HSPA12A: variants seen among roughly 807,000 people sequenced by gnomAD.
The protein encoded by HSPA12A is heat shock protein family A (Hsp70) member 12A.
HSPA12A carries 28 observed loss-of-function variants against 69.2 expected under a neutral mutation model. The observed-to-expected ratio is 0.40, with a 90% CI of 0.30 to 0.55. The LOEUF (loss-of-function observed/expected upper bound fraction) is 0.55. HSPA12A is among the 20% of genes least tolerant of loss of function. The probability of loss-of-function intolerance (pLI) is 0.38; values close to 1 mark genes in which losing one functional copy is unlikely to be tolerated. For synonymous variants in HSPA12A, 345 were observed against 370.5 expected (o/e 0.93, Z 0.79); for missense variants, 686 against 900.7 (o/e 0.76, Z 3.05).
chr10:116,734,940 C>A (rs568252473), intron 1 of HSPA12A, among the ~76,000 whole-genome samples: 42 of 151,922 alleles, frequency 2.8e-4, no homozygotes, highest in African/African-American at 9.7e-4. Flanking sequence ...TGCAGTGAGC[C>A]GAGATCGAGC....
intron 5 of HSPA12A, 160 bp downstream of exon 5, chr10:116,698,475 C>T (rs569081588): frequency 9.4e-5 from 47 of 500,568 alleles, no homozygotes; most frequent in African/African-American, 3.2e-4. Context: ...CCACCAGCAG[C>T]GTGTGAGGGT....
chr10:116,677,983 T>G (rs2133358391), intron 10 of HSPA12A, among the ~76,000 whole-genome samples: 1 of 92,514 alleles, frequency 1.1e-5, no homozygotes, highest in Middle Eastern at 5.3e-3. Flanking sequence ...GGAAATTGAT[T>G]CTTTTTTTTT....
At chr10:116,847,949 G>A (rs1236771215) in intron 1 of HSPA12A, among the ~76,000 whole-genome samples, 1 of 152,168 alleles carries the variant, frequency 6.6e-6, no homozygotes, top group East Asian at 1.9e-4. Context: ...GCTGGAGTGA[G>A]AGCTGGATTG....
rs782531675 is a variant in HSPA12A at position 116,683,786 on chromosome 10, G to C, written c.835+5C>G. 3 of 1,543,812 alleles carry C rather than the reference G, an allele frequency of 1.9e-6. No individual in the cohort carries two copies. The Admixed American group carries it at 5.1e-5, about 26-fold the overall frequency. ...GCAGGAGGGGGAGAGAGAGAGCAGAGGTACCCTGTGTAAACCCAGCTCCTA... is the reference window on the plus strand; with the variant it reads ...GCAGGAGGGGGAGAGAGAGAGCAGACGTACCCTGTGTAAACCCAGCTCCTA... On this transcript the variant is annotated splice_donor_5th_base_variant and intron_variant, in intron 7 of 11. Transcript: ENST00000369209.
At chr10:116,844,158 T>C (rs745500960) in intron 1 of HSPA12A, among the ~76,000 whole-genome samples, 3 of 152,222 alleles carry the variant, frequency 2.0e-5, no homozygotes, top group Non-Finnish European at 4.4e-5. Context: ...CACCTAGACC[T>C]GGATCAAATT....
upstream of HSPA12A, among the ~76,000 whole-genome samples, chr10:116,746,634 T>G (rs1554887839): frequency 6.6e-6 from 1 of 152,224 alleles, no homozygotes; most frequent in Non-Finnish European, 1.5e-5. Flanking sequence ...AGAGATCATA[T>G]ATGTAAAACA....
intron 4 of HSPA12A, among the ~76,000 whole-genome samples, chr10:116,699,522 T>C (rs184730091): frequency 1.3e-5 from 2 of 152,278 alleles, no homozygotes; most frequent in Middle Eastern, 3.4e-3. Flanking sequence ...GCCTCCAGAT[T>C]GTCCCAGGCT....
intron 2 of HSPA12A, among the ~76,000 whole-genome samples, chr10:116,758,653 T>C (rs1554889016): frequency 6.6e-6 from 1 of 152,150 alleles, no homozygotes; most frequent in Non-Finnish European, 1.5e-5. Context: ...TGTGATTGTG[T>C]GTGCATTTTA....
intron 6 of HSPA12A, among the ~76,000 whole-genome samples, chr10:116,689,901 A>G (rs1445318433): frequency 6.6e-6 from 1 of 151,938 alleles, no homozygotes; most frequent in Non-Finnish European, 1.5e-5. Context: ...CAGGCCTTCA[A>G]CTGATTAGAT....
chr10:116,736,995 T>C (rs1851337391), intron 1 of HSPA12A, among the ~76,000 whole-genome samples: 1 of 152,148 alleles, frequency 6.6e-6, no homozygotes. Flanking sequence ...TCATATTAAT[T>C]CAATGTCTAC....
chr10:116,757,161 G>C (rs990959142), intron 2 of HSPA12A, among the ~76,000 whole-genome samples: 1 of 152,204 alleles, frequency 6.6e-6, no homozygotes, highest in African/African-American at 2.4e-5. Flanking sequence ...AGCCACCGCT[G>C]CCACAGTAGG....
In HSPA12A at chr10:116,757,385, C is replaced by T. The variant is rs145075444; in HGVS notation, c.92-50100G>A. On this transcript the variant is annotated intron_variant, in intron 2 of 12. Transcript: ENST00000635765. ...AGGGCTGATGATCAAAATCCAGACA[C>T]CAGAAACCGTCCATGTAGGGCGACG... 8.5e-3 allele frequency among the ~76,000 whole-genome samples: 1,301 copies of T among 152,266 alleles called. 12 individuals carry two copies. Among genetic ancestry groups the T allele is most frequent in the African/African-American group, 0.03 (1,245 of 41,542 alleles).
intron 1 of HSPA12A, among the ~76,000 whole-genome samples, chr10:116,847,570 C>T (rs780599317): frequency 2.0e-5 from 3 of 152,188 alleles, no homozygotes; most frequent in Non-Finnish European, 2.9e-5. Context: ...CCCTTTGCTC[C>T]AGCCAGGTTG....
chr10:116,687,888 TTGTCCAACCCA>T (rs1258635707), intron 6 of HSPA12A, among the ~76,000 whole-genome samples: 1 of 152,260 alleles, frequency 6.6e-6, no homozygotes, highest in Non-Finnish European at 1.5e-5. Flanking sequence ...TACGCCAAGC[TTGTCCAACCCA>T]TGGCCCACAG....
chr10:116,832,624 G>A (rs1170827052), intron 2 of HSPA12A: 2 of 152,138 alleles, frequency 1.3e-5, no homozygotes. Flanking sequence ...TTTCAAATAT[G>A]TCCTGTGCAC....
intron 2 of HSPA12A, among the ~76,000 whole-genome samples, chr10:116,706,053 C>T (rs1850238520): frequency 6.6e-6 from 1 of 152,046 alleles, no homozygotes; most frequent in African/African-American, 2.4e-5. Flanking sequence ...CGCCACCACA[C>T]CCGGCTAATT....
In HSPA12A at chr10:116,742,527, G is replaced by C; in HGVS notation, c.-58C>G. On this transcript the variant is annotated 5_prime_UTR_variant, in exon 1 of 12. Transcript: ENST00000369209. ...CCAGCGCAGCGCCCGTGCCCGTGCGGGTCTCTGTCCGCGTCCGCGGCGGCG... is the reference window on the plus strand; with the variant it reads ...CCAGCGCAGCGCCCGTGCCCGTGCGCGTCTCTGTCCGCGTCCGCGGCGGCG... The C allele has an allele frequency of 8.3e-7, 1 of 1,206,426 alleles. No individual in the cohort carries two copies. The highest frequency in any genetic ancestry group is 1.0e-6 in the Non-Finnish European group (1 of 970,818). 74.7% of individuals were successfully genotyped at this position (1,206,426 alleles called of 1,614,324 possible).
At chr10:116,774,655 G>A (rs1554890910) in intron 2 of HSPA12A, among the ~76,000 whole-genome samples, 1 of 152,186 alleles carries the variant, frequency 6.6e-6, no homozygotes, top group African/African-American at 2.4e-5. Context: ...CATCTCTTAG[G>A]AGAAAGGATT....
At chr10:116,698,794 C>T (rs1017088) in intron 4 of HSPA12A, 55 bp from the exon 5 acceptor site, 85,994 of 1,423,790 alleles carry the variant, frequency 0.06, 3,908 homozygotes, top group East Asian at 0.25. Flanking sequence ...AAACATGTCT[C>T]CTGGCTTTGG....
Sources: allele counts gnomAD v4.1 joint callset (sites outside exome capture counted in the v4.1 genomes callset), GRCh38; gene constraint gnomAD v4.1.1; transcripts MANE v1.5; gene names NCBI Gene and HGNC (gene_info 2026-07-23, HGNC 2026-07-21).